MAP2K6: variants seen among roughly 807,000 people sequenced by gnomAD.
The protein encoded by MAP2K6 is mitogen-activated protein kinase kinase 6, also known as dual specificity mitogen-activated protein kinase kinase 6.
A neutral mutation model predicts 53.7 loss-of-function variants in MAP2K6; 16 were observed. The ratio of observed to expected loss-of-function variants is 0.30; its 90% CI spans 0.20 to 0.45. The LOEUF is 0.45. MAP2K6 is among the 20% of genes least tolerant of loss of function. The probability of loss-of-function intolerance (pLI) is 1.00; values close to 1 mark genes in which losing one functional copy is unlikely to be tolerated. For missense variants in MAP2K6, 204 were observed against 411.9 expected (o/e 0.50, Z 4.37); for synonymous variants, 132 against 143.1 (o/e 0.92, Z 0.55).
chr17:69,441,807 G>C (rs551866494), intron 1 of MAP2K6, among the ~76,000 whole-genome samples: 12 of 152,254 alleles, frequency 7.9e-5, no homozygotes, highest in Admixed American at 7.2e-4. Context: ...ACTGCCAGGT[G>C]GGTGTAGACA....
At position 69,425,838 on chromosome 17, in the gene MAP2K6, C is replaced by T. The variant is rs114979727; in HGVS notation, c.16+10838C>T. Among the ~76,000 whole-genome samples the T allele has an allele frequency of 2.8e-3, 419 of 152,194 alleles. 1 individual carries two copies. Among genetic ancestry groups the T allele is most frequent in the African/African-American group, 9.3e-3 (386 of 41,520 alleles). Reference sequence around the variant, plus strand: ...CTAGAATCTGAAGAATCAGTGGGAACAGAATAGTTCAGAGTATGGAAATTA... The same window carrying T: ...CTAGAATCTGAAGAATCAGTGGGAATAGAATAGTTCAGAGTATGGAAATTA... On this transcript the variant is annotated intron_variant, in intron 1 of 11. Transcript: ENST00000590474.
chr17:69,540,345 A>G (rs1255399489), intron 11 of MAP2K6, among the ~76,000 whole-genome samples: 1 of 152,220 alleles, frequency 6.6e-6, no homozygotes, highest in Non-Finnish European at 1.5e-5. Context: ...AAAATAGACT[A>G]CCAGGCAATC....
intron 1 of MAP2K6, among the ~76,000 whole-genome samples, chr17:69,430,401 G>A (rs767857369): frequency 1.6e-4 from 25 of 152,110 alleles, no homozygotes; most frequent in Non-Finnish European, 2.9e-4. Context: ...AGAGATTGAA[G>A]AGATTCAAGA....
intron 1 of MAP2K6, among the ~76,000 whole-genome samples, chr17:69,441,449 T>C (rs1906816263): frequency 6.6e-6 from 1 of 152,230 alleles, no homozygotes; most frequent in Non-Finnish European, 1.5e-5. Flanking sequence ...TTGGTTGTTG[T>C]ATTTTTCTAG....
In MAP2K6 at chr17:69,493,713, A is replaced by T. The variant is rs549259078; in HGVS notation, c.17-12067A>T. On this transcript the variant is annotated intron_variant, in intron 1 of 11. Transcript: ENST00000590474. ...GAGACAGAGGTTGCAATGAGCTGAGATCGTGCCATTGCAGTCCAGCCTGGG... is the reference window on the plus strand; with the variant it reads ...GAGACAGAGGTTGCAATGAGCTGAGTTCGTGCCATTGCAGTCCAGCCTGGG... 3.3e-5 allele frequency among the ~76,000 whole-genome samples: 5 copies of T among 152,226 alleles called. No homozygotes were observed. The East Asian group carries it at 7.7e-4, about 24-fold the overall frequency.
At chr17:69,430,843 A>G (rs1906439055) in intron 1 of MAP2K6, among the ~76,000 whole-genome samples, 1 of 152,214 alleles carries the variant, frequency 6.6e-6, no homozygotes, top group Admixed American at 6.5e-5. Context: ...TTCTACATTC[A>G]AGGCAAAGCT....
chr17:69,517,874 T>A (rs1458818117), intron 4 of MAP2K6, among the ~76,000 whole-genome samples: 1 of 152,180 alleles, frequency 6.6e-6, no homozygotes, highest in African/African-American at 2.4e-5. Flanking sequence ...TTTACAAAAC[T>A]ACCATGTCAT....
intron 1 of MAP2K6, among the ~76,000 whole-genome samples, chr17:69,455,859 T>TG (rs1451160636): frequency 6.9e-6 from 1 of 145,536 alleles, no homozygotes; most frequent in African/African-American, 2.6e-5. Flanking sequence ...CAGTTTTTTT[T>TG]TTTTTTTTTT....
chr17:69,517,476 C>CAT, intron 3 of MAP2K6, 24 bp from the exon 4 acceptor site: 2 of 1,356,174 alleles, frequency 1.5e-6, no homozygotes, highest in South Asian at 1.2e-5. Context: ...TTTCCCATTG[C>CAT]ATTATTCCTT....
chr17:69,422,699 T>C (rs1185517020), intron 1 of MAP2K6, among the ~76,000 whole-genome samples: 2 of 152,162 alleles, frequency 1.3e-5, no homozygotes, highest in Non-Finnish European at 2.9e-5. Flanking sequence ...CCATAAACAC[T>C]ATGGACAAAG....
At chr17:69,510,358 A>C (rs1217324609) in intron 2 of MAP2K6, among the ~76,000 whole-genome samples, 2 of 152,100 alleles carry the variant, frequency 1.3e-5, no homozygotes, top group East Asian at 1.9e-4. Flanking sequence ...ATTTGCTAAA[A>C]TTTTGTTGAG....
intron 11 of MAP2K6, among the ~76,000 whole-genome samples, chr17:69,538,913 G>A (rs1457141083): frequency 6.6e-6 from 1 of 152,062 alleles, no homozygotes; most frequent in Non-Finnish European, 1.5e-5. Flanking sequence ...CAATGTGAAA[G>A]CAGCCATATC....
intron 1 of MAP2K6, among the ~76,000 whole-genome samples, chr17:69,497,156 T>A (rs1908984981): frequency 6.6e-6 from 1 of 152,200 alleles, no homozygotes; most frequent in Admixed American, 6.5e-5. Flanking sequence ...GTGCTTAAAC[T>A]CTGTACATAG....
At chr17:69,480,152 G>A (rs1245078220) in intron 1 of MAP2K6, among the ~76,000 whole-genome samples, 2 of 152,164 alleles carry the variant, frequency 1.3e-5, no homozygotes, top group African/African-American at 4.8e-5. Flanking sequence ...AGGGCCTTAT[G>A]TTCTGGAGAG....
intron 1 of MAP2K6, among the ~76,000 whole-genome samples, chr17:69,447,668 C>T (rs1035204270): frequency 1.3e-5 from 2 of 152,112 alleles, no homozygotes; most frequent in African/African-American, 4.8e-5. Context: ...TTGATGATTG[C>T]ATGGAAGGCA....
chr17:69,437,569 T>C (rs367814083), intron 1 of MAP2K6, among the ~76,000 whole-genome samples: 12 of 152,244 alleles, frequency 7.9e-5, no homozygotes, highest in African/African-American at 2.9e-4. Flanking sequence ...ATTTTTATTG[T>C]GGTTAAACAC....
intron 1 of MAP2K6, among the ~76,000 whole-genome samples, chr17:69,482,733 AACTTGT>A (rs1047863419): frequency 6.6e-6 from 1 of 152,068 alleles, no homozygotes; most frequent in Admixed American, 6.5e-5. Context: ...GTGTTTAAAA[AACTTGT>A]ACATACATCA....
intron 5 of MAP2K6, 58 bp from the exon 6 acceptor site, chr17:69,520,212 A>G (rs1249510183): frequency 9.8e-6 from 8 of 819,502 alleles, no homozygotes; most frequent in Non-Finnish European, 1.5e-5. Flanking sequence ...TTTTTTTTTT[A>G]TTTTTATTTC....
chr17:69,475,329 C>T (rs1282020846), intron 1 of MAP2K6, among the ~76,000 whole-genome samples: 1 of 138,066 alleles, frequency 7.2e-6, no homozygotes, highest in Non-Finnish European at 1.6e-5. Flanking sequence ...CCAACACGCC[C>T]GGCTAATTTT....
Sources: allele counts gnomAD v4.1 joint callset (sites outside exome capture counted in the v4.1 genomes callset), GRCh38; gene constraint gnomAD v4.1.1; transcripts MANE v1.5; gene names NCBI Gene and HGNC (gene_info 2026-07-23, HGNC 2026-07-21).